Variants in ADAMTSL3 observed in about 807,000 individuals in gnomAD.
ADAMTSL3 encodes the protein ADAMTS like 3.
A neutral mutation model predicts 201.7 loss-of-function variants in ADAMTSL3; 128 were observed. The ratio of observed to expected loss-of-function variants is 0.63; its 90% CI spans 0.55 to 0.73. The LOEUF is 0.73. Among genes scored for constraint, ADAMTSL3 ranks in the 30% least tolerant of loss-of-function variants. The probability of loss-of-function intolerance (pLI) is 0.00; values close to 1 mark genes in which losing one functional copy is unlikely to be tolerated. For missense variants in ADAMTSL3, 1,990 were observed against 2,119.6 expected, an observed-to-expected ratio of 0.94 and a Z score of 1.20; for synonymous variants, 738 against 748.4, an observed-to-expected ratio of 0.99 and a Z score of 0.23.
intron 8 of ADAMTSL3, among the ~76,000 whole-genome samples, chr15:83,868,458 T>G (rs1292831025): frequency 1.3e-5 from 2 of 152,204 alleles, no homozygotes; most frequent in Non-Finnish European, 2.9e-5. Context: ...TTTAAAGAAC[T>G]GCATCGGCCT....
At chr15:83,967,313 T>G (rs1257900699) in intron 19 of ADAMTSL3, among the ~76,000 whole-genome samples, 1 of 152,208 alleles carries the variant, frequency 6.6e-6, no homozygotes, top group African/African-American at 2.4e-5. Context: ...CTTATGCTGA[T>G]AAGCAACTTC....
Position 83,750,738 on chromosome 15 carries a change from G to A in ADAMTSL3, c.190-22785G>A, listed in dbSNP as rs554895465. On this transcript the variant is annotated intron_variant, in intron 3 of 29. Coordinates refer to ENST00000286744, the MANE Select transcript of ADAMTSL3 (RefSeq NM_207517.3). ...AGCTAATTTTTGTATTTTTAGTAGA[G>A]ACGGGGTTTCACCATGTTGGCTAGG... Among the ~76,000 whole-genome samples, 45 of 152,238 alleles carry A rather than the reference G, an allele frequency of 3.0e-4. 1 individual carries two copies. In the South Asian group the frequency reaches 8.7e-3, roughly 29 times the overall value.
rs1394705971 is a variant in ADAMTSL3 at position 84,037,980 on chromosome 15, T to C, written c.*174T>C. On this transcript the variant is annotated 3_prime_UTR_variant, in exon 30 of 30. Coordinates refer to ENST00000286744, the MANE Select transcript of ADAMTSL3 (RefSeq NM_207517.3). ...GGTGTAAAGTGAAATTTTCCAATGGTAGTTTTATATTCCAATTTTTTAAAA... is the reference window on the plus strand; with the variant it reads ...GGTGTAAAGTGAAATTTTCCAATGGCAGTTTTATATTCCAATTTTTTAAAA... 4.0e-6 allele frequency: 4 copies of C among 988,660 alleles called. No individual in the cohort carries two copies. Among genetic ancestry groups the C allele is most frequent in the Non-Finnish European group, 5.6e-6 (4 of 712,706 alleles). The allele number at this position is 988,660 out of a possible 1,614,324, so 61.2% of individuals were successfully genotyped here.
At chr15:83,862,986 C>T (rs2064898456) in intron 8 of ADAMTSL3, 1 of 152,132 alleles carries the variant, frequency 6.6e-6, no homozygotes, top group Non-Finnish European at 1.5e-5. Flanking sequence ...TCTGATAAAA[C>T]AGACTTTAAA....
At chr15:84,007,786 T>C (rs1337280043) in intron 23 of ADAMTSL3, among the ~76,000 whole-genome samples, 1 of 152,042 alleles carries the variant, frequency 6.6e-6, no homozygotes, top group African/African-American at 2.4e-5. Flanking sequence ...GTGTTGAAAA[T>C]AGACTGTAAA....
chr15:83,929,703 G>C (rs1002021263), intron 17 of ADAMTSL3, among the ~76,000 whole-genome samples: 13 of 132,854 alleles, frequency 9.8e-5, no homozygotes, highest in African/African-American at 1.7e-4. Context: ...CACACACAGA[G>C]AGAGACAGAG....
At chr15:83,969,609 A>G (rs1252035486) in intron 19 of ADAMTSL3, among the ~76,000 whole-genome samples, 1 of 152,246 alleles carries the variant, frequency 6.6e-6, no homozygotes, top group Non-Finnish European at 1.5e-5. Flanking sequence ...CATTATGCTA[A>G]GTGAAATAAG....
At chr15:83,903,060 T>A (rs186766420) in intron 15 of ADAMTSL3, among the ~76,000 whole-genome samples, 2 of 152,128 alleles carry the variant, frequency 1.3e-5, no homozygotes, top group East Asian at 3.9e-4. Context: ...TAATTATGTA[T>A]CTCAAAAAGA....
intron 9 of ADAMTSL3, among the ~76,000 whole-genome samples, chr15:83,883,142 CTATTTTATTTTATTT>C (rs201289538): frequency 2.7e-4 from 10 of 37,346 alleles, no homozygotes; most frequent in South Asian, 1.5e-3. Context: ...AATACTATTT[CTATTTTATTTTATTT>C]TATTTTATTT....
chr15:83,768,573 C>T (rs572020635), intron 3 of ADAMTSL3, among the ~76,000 whole-genome samples: 169 of 152,192 alleles, frequency 1.1e-3, no homozygotes, highest in African/African-American at 3.9e-3. Context: ...GATCTGGGAA[C>T]GTAGAAGGAA....
chr15:84,032,154 C>A (rs2068421377), intron 28 of ADAMTSL3, among the ~76,000 whole-genome samples: 1 of 152,142 alleles, frequency 6.6e-6, no homozygotes, highest in Non-Finnish European at 1.5e-5. Flanking sequence ...ACCTAATCTG[C>A]AAAGTGGGAT....
chr15:84,021,585 C>G lies in ADAMTSL3; in HGVS notation c.4449C>G (p.Cys1483Trp). ...TTGAGCCCTGTAACATCCGGGACTG[C>G]CCAGCGAGGTAAGTGAAGTCACTCT... ...AGFEPCNIRD[C>W]PARWFTSVWS... Residue 1483 changes from cysteine (C) to tryptophan (W), a missense_variant, in exon 26 of 30, where the codon TGC becomes TGG. Cys to Trp is a radical substitution (Grantham distance 215). Coordinates refer to ENST00000286744, the MANE Select transcript of ADAMTSL3 (RefSeq NM_207517.3). 1 of 1,613,492 alleles carries G rather than the reference C, an allele frequency of 6.2e-7. No homozygotes were observed. Among genetic ancestry groups the G allele is most frequent in the Non-Finnish European group, 8.5e-7 (1 of 1,179,704 alleles).
chr15:83,673,725 T>C (rs1277512448), intron 2 of ADAMTSL3, among the ~76,000 whole-genome samples: 1 of 152,238 alleles, frequency 6.6e-6, no homozygotes, highest in Non-Finnish European at 1.5e-5. Context: ...ACCTCAGAGC[T>C]CTGTTTTGTA....
rs1364601000 is a variant in ADAMTSL3, at chr15:83,654,440, G to C, written c.-34+164G>C. Among the ~76,000 whole-genome samples, 1 of 152,066 alleles carries C rather than the reference G, an allele frequency of 6.6e-6. No individual in the cohort carries two copies. The highest frequency in any genetic ancestry group is 1.5e-5 in the Non-Finnish European group (1 of 67,988). ...CCCCAGGGGGCCTCAGGACTGGGGT[G>C]CTCCTCACTGCTGGGCACCTCGGGT... is the stretch of plus-strand genomic sequence containing the variant. On this transcript the variant is annotated intron_variant, in intron 1 of 29. Coordinates refer to ENST00000286744, the MANE Select transcript of ADAMTSL3 (RefSeq NM_207517.3). The surrounding 1 kb of genome is among the most constrained non-coding windows in gnomAD (Gnocchi z 5.3).
At chr15:83,835,033 G>A (rs2064236590) in intron 6 of ADAMTSL3, among the ~76,000 whole-genome samples, 1 of 152,050 alleles carries the variant, frequency 6.6e-6, no homozygotes, top group Non-Finnish European at 1.5e-5. Flanking sequence ...AGGAGATCGA[G>A]ACCATCCTGG....
At chr15:83,910,954 T>A (rs994769199) in intron 15 of ADAMTSL3, among the ~76,000 whole-genome samples, 2 of 152,172 alleles carry the variant, frequency 1.3e-5, no homozygotes, top group Non-Finnish European at 2.9e-5. Flanking sequence ...TGAACTTTCT[T>A]ACCTCATCTC....
chr15:83,943,087 G>C lies in ADAMTSL3; in HGVS notation c.2490+5G>C. On this transcript the variant is annotated splice_donor_5th_base_variant and intron_variant, in intron 19 of 29. Transcript: ENST00000286744. ...GCTGTGGGAGACTGGTCGAAGGTAA[G>C]GGCCAGGCTCAACTTTATAGTCCCT... 1 of 1,599,996 alleles carries C rather than the reference G, an allele frequency of 6.3e-7. No homozygotes were observed. Among genetic ancestry groups the C allele is most frequent in the Non-Finnish European group, 8.5e-7 (1 of 1,174,956 alleles).
At chr15:83,925,776 C>A (rs1249134437) in intron 17 of ADAMTSL3, among the ~76,000 whole-genome samples, 2 of 152,066 alleles carry the variant, frequency 1.3e-5, no homozygotes, top group African/African-American at 2.4e-5. Flanking sequence ...TTTTTCTGTT[C>A]TATTATTGGA....
chr15:83,990,984 TC>T, intron 22 of ADAMTSL3, 101 bp from the exon 23 acceptor site: 1 of 1,535,802 alleles, frequency 6.5e-7, no homozygotes, highest in East Asian at 2.3e-5. Context: ...AGGACTCCAC[TC>T]CTGCCCTCAA....
Sources: gnomAD v4.1 joint callset for allele counts (sites outside exome capture counted in the v4.1 genomes callset) on GRCh38, gnomAD v4.1.1 for gene constraint, Gnocchi (gnomAD v3.1) non-coding constraint, MANE v1.5 for transcripts, NCBI Gene and HGNC (gene_info 2026-07-23, HGNC 2026-07-21) for gene names.